The following CRYZL1 variants were observed in gnomAD, a reference collection of about 807,000 sequenced individuals.
CRYZL1 encodes crystallin zeta like 1.
Under a neutral mutation model 50.6 loss-of-function variants are expected in CRYZL1, and 34 were observed. The ratio of observed to expected loss-of-function variants is 0.67; its 90% CI spans 0.51 to 0.89. CRYZL1 has a LOEUF of 0.89. CRYZL1 is among the 40% of genes least tolerant of loss of function. CRYZL1 has a pLI of 0.00. For synonymous variants in CRYZL1, 125 were observed against 134.3 expected, an observed-to-expected ratio of 0.93 and a Z score of 0.48; for missense variants, 354 against 402.3, an observed-to-expected ratio of 0.88 and a Z score of 1.03.
intron 10 of CRYZL1, chr21:33,596,320 G>A (rs372583139): frequency 4.4e-5 from 15 of 339,284 alleles, no homozygotes; most frequent in African/African-American, 6.7e-5. Context: ...CAATGTCACC[G>A]AGAAAAAATG....
chr21:33,595,371 G>A, intron 11 of CRYZL1: 1 of 1,308,890 alleles, frequency 7.6e-7, no homozygotes, highest in Admixed American at 2.3e-5. Context: ...AAGGTGATGT[G>A]TGCTTTCCTT....
rs539492201 is a variant in CRYZL1, at chr21:33,622,085, G to A, written c.145-17C>T. 7 of 1,601,026 alleles carry A rather than the reference G, an allele frequency of 4.4e-6. No homozygotes were observed. The Admixed American group carries it at 1.2e-4, about 27-fold the overall frequency. Reference sequence around the variant, plus strand: ...TGCCAGAAGCTAAATCATGACAAAGGCAGTTAACATACTATTGTCAGAAGA... The same window carrying A: ...TGCCAGAAGCTAAATCATGACAAAGACAGTTAACATACTATTGTCAGAAGA... On this transcript the variant is annotated splice_polypyrimidine_tract_variant and intron_variant, in intron 3 of 12. Coordinates refer to ENST00000381554, the MANE Select transcript of CRYZL1 (RefSeq NM_145858.3).
At chr21:33,594,479 GAAATT>G (rs2086674938) in intron 11 of CRYZL1, 2 of 151,822 alleles carry the variant, frequency 1.3e-5, no homozygotes, top group Non-Finnish European at 2.9e-5. Context: ...TTTAAAAAAT[GAAATT>G]AATTAAAAAT....
At position 33,591,159 on chromosome 21, in the gene CRYZL1, T is replaced by C. The variant is rs751755724; in HGVS notation, c.950+3A>G. On this transcript the variant is annotated splice_donor_region_variant and intron_variant, in intron 12 of 12. Coordinates refer to ENST00000381554, the MANE Select transcript of CRYZL1 (RefSeq NM_145858.3). ...GAACAATGATTTGGTTACTTTAGCGTACCTGAAAACACCAGTTGATAACTT... is the reference window on the plus strand; with the variant it reads ...GAACAATGATTTGGTTACTTTAGCGCACCTGAAAACACCAGTTGATAACTT... The C allele has an allele frequency of 4.4e-6, 7 of 1,602,258 alleles. No individual in the cohort carries two copies. The Admixed American group carries it at 1.2e-4, about 27-fold the overall frequency.
chr21:33,635,544 C>T (rs1269944911), intron 1 of CRYZL1, among the ~76,000 whole-genome samples: 1 of 151,358 alleles, frequency 6.6e-6, no homozygotes, highest in Admixed American at 6.6e-5. Flanking sequence ...TTAGTACAGA[C>T]GGGGTTTCAC....
At chr21:33,634,160 G>C (rs2087173942) in intron 1 of CRYZL1, among the ~76,000 whole-genome samples, 2 of 152,192 alleles carry the variant, frequency 1.3e-5, no homozygotes, top group Admixed American at 1.3e-4. Context: ...GGTTGCAGAA[G>C]GTCTTTGTGT....
chr21:33,619,731 T>C (rs1265941920), intron 4 of CRYZL1, among the ~76,000 whole-genome samples: 1 of 152,130 alleles, frequency 6.6e-6, no homozygotes, highest in East Asian at 1.9e-4. Context: ...TGCTACCAAG[T>C]ACCATACCCT....
intron 6 of CRYZL1, among the ~76,000 whole-genome samples, chr21:33,606,293 A>G (rs999382192): frequency 1.1e-4 from 17 of 152,200 alleles, no homozygotes; most frequent in African/African-American, 4.1e-4. Context: ...TGGGACTACC[A>G]TATTTTTATT....
At chr21:33,640,011 AC>A in intron 1 of CRYZL1, 1 of 647,426 alleles carries the variant, frequency 1.5e-6, no homozygotes, top group South Asian at 2.1e-5. Context: ...TTTTTAGTAG[AC>A]ACGGGGTTTC....
At chr21:33,638,149 G>A (rs2045058067) in intron 1 of CRYZL1, among the ~76,000 whole-genome samples, 1 of 151,584 alleles carries the variant, frequency 6.6e-6, no homozygotes, top group African/African-American at 2.4e-5. Context: ...ACTAGCTGGA[G>A]GTTTGGCTCA....
chr21:33,595,354 A>G, intron 11 of CRYZL1: 1 of 1,290,262 alleles, frequency 7.8e-7, no homozygotes, highest in East Asian at 5.6e-5. Context: ...TAAGTGTGCA[A>G]CCTTTCAAGG....
intron 8 of CRYZL1, 76 bp from the exon 9 acceptor site, chr21:33,599,324 A>G: frequency 6.3e-7 from 1 of 1,586,862 alleles, no homozygotes; most frequent in Non-Finnish European, 8.6e-7. Flanking sequence ...AAAAAGAAAA[A>G]GAAAAGCAAA....
intron 2 of CRYZL1, among the ~76,000 whole-genome samples, chr21:33,626,750 T>C (rs2087069508): frequency 1.3e-5 from 2 of 150,286 alleles, no homozygotes; most frequent in African/African-American, 4.9e-5. Flanking sequence ...ATAGTCCAAA[T>C]TCAGACACTC....
intron 6 of CRYZL1, among the ~76,000 whole-genome samples, chr21:33,609,102 G>A (rs1339945839): frequency 6.6e-6 from 1 of 152,132 alleles, no homozygotes; most frequent in South Asian, 2.1e-4. Flanking sequence ...AATGATTACT[G>A]ATGTCGAGTA....
chr21:33,632,419 C>T lies in CRYZL1; in HGVS notation c.-6-862G>A, dbSNP rs1484011205. 4.0e-5 allele frequency among the ~76,000 whole-genome samples: 6 copies of T among 151,736 alleles called. No homozygotes were observed. The South Asian group carries it at 1.0e-3, about 26-fold the overall frequency. ...TTTAGATGGAGTCTCGCCCTATTGC[C>T]CAGGCTGGAGTGTAGTGGCACGATC... is the stretch of plus-strand genomic sequence containing the variant. On this transcript the variant is annotated intron_variant, in intron 1 of 12. Transcript: ENST00000381554.
chr21:33,638,978 G>A (rs2087243779), intron 1 of CRYZL1, among the ~76,000 whole-genome samples: 1 of 152,168 alleles, frequency 6.6e-6, no homozygotes, highest in Admixed American at 6.5e-5. Flanking sequence ...TATTATCAAG[G>A]CATATTCGAT....
chr21:33,631,266 T>C (rs1418471606), intron 2 of CRYZL1, among the ~76,000 whole-genome samples: 1 of 152,172 alleles, frequency 6.6e-6, no homozygotes, highest in Non-Finnish European at 1.5e-5. Context: ...ATATGTACAA[T>C]TATGTGCCAA....
At chr21:33,602,398 T>C (rs1487223161) in intron 7 of CRYZL1, 53 bp from the exon 8 acceptor site, 109 of 719,480 alleles carry the variant, frequency 1.5e-4, no homozygotes, top group Non-Finnish European at 9.7e-6. Flanking sequence ...AGAGGCCATA[T>C]CGAATTGATT....
rs773708490 is a variant in CRYZL1, at chr21:33,595,640, C to A, written c.904+91G>T. ...GTTTGGAATACTTAAGGAAACTTAA[C>A]TGCTATTATTATTTCCTATTATCGT... On this transcript the variant is annotated intron_variant, in intron 11 of 12. Coordinates refer to ENST00000381554, the MANE Select transcript of CRYZL1 (RefSeq NM_145858.3). 1.3e-5 allele frequency: 20 copies of A among 1,557,532 alleles called. No individual in the cohort carries two copies. In the East Asian group the frequency reaches 4.5e-4, roughly 35 times the overall value.
Sources: gnomAD v4.1 joint callset for allele counts (sites outside exome capture counted in the v4.1 genomes callset) on GRCh38, gnomAD v4.1.1 for gene constraint, MANE v1.5 for transcripts, NCBI Gene and HGNC (gene_info 2026-07-23, HGNC 2026-07-21) for gene names.